Variants in TTC17 observed in about 807,000 individuals in gnomAD.
TTC17 encodes the protein tetratricopeptide repeat protein 17.
Under a neutral mutation model 143.8 loss-of-function variants are expected in TTC17, and 58 were observed. The ratio of observed to expected loss-of-function variants is 0.40; its 90% confidence interval spans 0.33 to 0.50. The LOEUF (loss-of-function observed/expected upper bound fraction) is 0.50, where lower values mean the gene tolerates loss of function less well. Among genes scored for constraint, TTC17 ranks in the 20% least tolerant of loss-of-function variants. The pLI, the probability that TTC17 is intolerant of heterozygous loss-of-function variation, is 0.49. For missense variants in TTC17, 1,273 were observed against 1,392.5 expected (o/e 0.91, Z 1.37); for synonymous variants, 501 against 497.8 (o/e 1.01, Z -0.09).
At chr11:43,376,242 A>G (rs1856760982) in intron 1 of TTC17, among the ~76,000 whole-genome samples, 2 of 152,210 alleles carry the variant, frequency 1.3e-5, no homozygotes, top group African/African-American at 2.4e-5. Context: ...TTATTATAAT[A>G]AACTGCTACA....
intron 21 of TTC17, among the ~76,000 whole-genome samples, chr11:43,474,791 A>G (rs1948154704): frequency 6.6e-6 from 1 of 152,238 alleles, no homozygotes; most frequent in Admixed American, 6.5e-5. Context: ...GTTGGTTAAT[A>G]CATATTTTAT....
At chr11:43,403,491 C>T (rs1213224624) in intron 10 of TTC17, among the ~76,000 whole-genome samples, 1 of 152,140 alleles carries the variant, frequency 6.6e-6, no homozygotes, top group Non-Finnish European at 1.5e-5. Context: ...TTTGTGTTCT[C>T]TCATCTAGGT....
intron 2 of TTC17, among the ~76,000 whole-genome samples, chr11:43,381,390 G>A (rs2064342772): frequency 6.6e-6 from 1 of 152,180 alleles, no homozygotes; most frequent in South Asian, 2.1e-4. Flanking sequence ...GCCAGGAGCA[G>A]ACTATAGTAG....
At chr11:43,466,508 G>T in intron 21 of TTC17, 1 of 186,736 alleles carries the variant, frequency 5.4e-6, no homozygotes, top group South Asian at 1.1e-4. Flanking sequence ...TTCACACTCT[G>T]AACAATAAAG....
At chr11:43,490,587 G>T (rs936429798) in intron 22 of TTC17, 1 of 456,030 alleles carries the variant, frequency 2.2e-6, no homozygotes, top group African/African-American at 2.0e-5. Flanking sequence ...AGGCCTTCCA[G>T]ATCACTGTAA....
chr11:43,373,459 A>G (rs754374729), intron 1 of TTC17, among the ~76,000 whole-genome samples: 2 of 151,736 alleles, frequency 1.3e-5, no homozygotes, highest in African/African-American at 4.8e-5. Flanking sequence ...CAGTAGCTGG[A>G]ACTACAGGCT....
chr11:43,408,715 T>A (rs1267543843), intron 15 of TTC17, among the ~76,000 whole-genome samples: 2 of 152,166 alleles, frequency 1.3e-5, no homozygotes, highest in African/African-American at 4.8e-5. Context: ...GATAAATTAA[T>A]GGATCAGGGT....
chr11:43,360,931 G>A (rs1406176607), intron 1 of TTC17, among the ~76,000 whole-genome samples: 4 of 152,038 alleles, frequency 2.6e-5, no homozygotes, highest in Non-Finnish European at 5.9e-5. Context: ...CCTTTTCATT[G>A]AATTTTCCAA....
chr11:43,453,576 A>G (rs576497414), intron 21 of TTC17, among the ~76,000 whole-genome samples: 3 of 152,346 alleles, frequency 2.0e-5, no homozygotes, highest in Admixed American at 1.3e-4. Flanking sequence ...TATTGTTTCC[A>G]TGAGCCCCTT....
intron 1 of TTC17, among the ~76,000 whole-genome samples, chr11:43,368,056 T>G (rs149285792): frequency 6.0e-4 from 92 of 152,292 alleles, no homozygotes; most frequent in African/African-American, 2.1e-3. Flanking sequence ...TAATAGCTCT[T>G]ACATGCATTA....
intron 18 of TTC17, chr11:43,446,165 T>C: frequency 7.6e-7 from 1 of 1,320,616 alleles, no homozygotes; most frequent in Non-Finnish European, 9.7e-7. Context: ...ACCATGCTCA[T>C]GTTTTTACCT....
At chr11:43,478,410 A>G (rs1453907943) in intron 21 of TTC17, among the ~76,000 whole-genome samples, 1 of 152,198 alleles carries the variant, frequency 6.6e-6, no homozygotes, top group Non-Finnish European at 1.5e-5. Context: ...CATAATGTAC[A>G]TAAGCTTATG....
chr11:43,446,069 A>G, intron 18 of TTC17: 1 of 1,511,518 alleles, frequency 6.6e-7, no homozygotes, highest in Non-Finnish European at 8.8e-7. Context: ...CATTGCCTAC[A>G]GGATAAAATT....
At chr11:43,421,116 A>G (rs1011604221) in intron 16 of TTC17, among the ~76,000 whole-genome samples, 9 of 152,316 alleles carry the variant, frequency 5.9e-5, no homozygotes, top group Admixed American at 5.2e-4. Flanking sequence ...TAGATAATAA[A>G]CATAATAAAT....
intron 21 of TTC17, among the ~76,000 whole-genome samples, chr11:43,456,509 C>T (rs1220755540): frequency 6.6e-6 from 1 of 152,166 alleles, no homozygotes; most frequent in Non-Finnish European, 1.5e-5. Flanking sequence ...TAGGTCAAGG[C>T]AGGTCAGTGC....
At chr11:43,412,981 G>GACACACACACACACACACAC (rs57982323) in intron 15 of TTC17, among the ~76,000 whole-genome samples, 1 of 140,386 alleles carries the variant, frequency 7.1e-6, no homozygotes, top group African/African-American at 2.7e-5. Context: ...ACCTAGAATA[G>GACACACACACACACACACAC]ACACACACAC....
chr11:43,456,829 T>C (rs1390900924), intron 21 of TTC17, among the ~76,000 whole-genome samples: 1 of 151,954 alleles, frequency 6.6e-6, no homozygotes, highest in Non-Finnish European at 1.5e-5. Flanking sequence ...ACATGACCAG[T>C]TTTTTTTCCA....
chr11:43,475,120 G>C (rs1193621121), intron 21 of TTC17, among the ~76,000 whole-genome samples: 1 of 152,168 alleles, frequency 6.6e-6, no homozygotes, highest in Non-Finnish European at 1.5e-5. Flanking sequence ...TGTTGTTCAA[G>C]GGTCAACTGT....
At chr11:43,401,764 C>A in intron 10 of TTC17, 1 of 453,484 alleles carries the variant, frequency 2.2e-6, no homozygotes, top group Non-Finnish European at 3.9e-6. Context: ...GGATCACGAG[C>A]CCAGGAGTTC....
Sources: allele counts gnomAD v4.1 joint callset (sites outside exome capture counted in the v4.1 genomes callset), GRCh38; gene constraint gnomAD v4.1.1; transcripts MANE v1.5; gene names NCBI Gene and HGNC (gene_info 2026-07-23, HGNC 2026-07-21).